Variants in SOX5 observed in about 807,000 individuals in gnomAD.
SOX5 encodes the protein transcription factor SOX-5.
A neutral mutation model predicts 92.0 loss-of-function variants in SOX5; 9 were observed. The ratio of observed to expected loss-of-function variants is 0.10; its 90% CI spans 0.06 to 0.17. The LOEUF is 0.17. Among genes scored for constraint, SOX5 ranks in the 10% least tolerant of loss-of-function variants. The probability of loss-of-function intolerance (pLI) is 1.00; values close to 1 mark genes in which losing one functional copy is unlikely to be tolerated. For missense variants in SOX5, 642 were observed against 944.5 expected (o/e 0.68, Z 4.20); for synonymous variants, 344 against 336.3 (o/e 1.02, Z -0.25).
chr12:24,278,918 C>A (rs1944832117), intron 2 of SOX5, among the ~76,000 whole-genome samples: 1 of 148,474 alleles, frequency 6.7e-6, no homozygotes, highest in African/African-American at 2.5e-5. Flanking sequence ...CTCATCTGCC[C>A]AACTGTAAAG....
intron 2 of SOX5, among the ~76,000 whole-genome samples, chr12:23,853,059 G>A (rs1218650154): frequency 6.6e-6 from 1 of 151,482 alleles, no homozygotes. Context: ...ATATTCCAGG[G>A]AGGAAAAGAA....
chr12:24,045,729 T>C (rs1042561941), intron 4 of SOX5, among the ~76,000 whole-genome samples: 2 of 152,220 alleles, frequency 1.3e-5, no homozygotes, highest in East Asian at 3.9e-4. Context: ...GAAACCAGTA[T>C]GTATGGTGGC....
intron 1 of SOX5, among the ~76,000 whole-genome samples, chr12:23,922,292 T>C (rs1474019313): frequency 6.6e-6 from 1 of 152,208 alleles, no homozygotes; most frequent in Non-Finnish European, 1.5e-5. Flanking sequence ...GAACAAAATG[T>C]CTAATGTCAT....
chr12:23,972,147 C>T (rs1440951726), intron 4 of SOX5, among the ~76,000 whole-genome samples: 1 of 152,108 alleles, frequency 6.6e-6, no homozygotes, highest in African/African-American at 2.4e-5. Context: ...CCTTGCCCTG[C>T]AAGGACACCC....
At chr12:24,248,463 G>T (rs1363712778) in intron 3 of SOX5, among the ~76,000 whole-genome samples, 2 of 152,028 alleles carry the variant, frequency 1.3e-5, no homozygotes, top group Admixed American at 1.3e-4. Flanking sequence ...GTGCAGTGGC[G>T]CAATCTCAGT....
At chr12:23,585,778 T>A (rs370854636) in intron 9 of SOX5, among the ~76,000 whole-genome samples, 14 of 152,246 alleles carry the variant, frequency 9.2e-5, no homozygotes, top group South Asian at 4.1e-4. Flanking sequence ...AAGCTAGAAG[T>A]TTGCATAGGT....
chr12:24,440,078 C>T (rs940463465), intron 1 of SOX5, among the ~76,000 whole-genome samples: 5 of 152,004 alleles, frequency 3.3e-5, no homozygotes, highest in African/African-American at 9.7e-5. Flanking sequence ...TTTTAACTGC[C>T]ACGTAAGTGA....
chr12:24,228,674 G>A (rs1962648852), intron 3 of SOX5, among the ~76,000 whole-genome samples: 1 of 152,056 alleles, frequency 6.6e-6, no homozygotes, highest in South Asian at 2.1e-4. Context: ...GTGTGTGCGT[G>A]TGTGTGTCTG....
intron 4 of SOX5, among the ~76,000 whole-genome samples, chr12:24,013,365 C>T (rs1050784193): frequency 6.6e-6 from 1 of 152,120 alleles, no homozygotes; most frequent in Non-Finnish European, 1.5e-5. Flanking sequence ...AACATGTCCC[C>T]TCAAAACCTA....
chr12:24,439,443 A>G (rs111416085), intron 1 of SOX5, among the ~76,000 whole-genome samples: 5 of 152,146 alleles, frequency 3.3e-5, no homozygotes, highest in African/African-American at 1.2e-4. Context: ...ATCTAGAAGG[A>G]CTATCCTGAG....
chr12:23,676,973 T>C (rs1384526537), intron 6 of SOX5, among the ~76,000 whole-genome samples: 3 of 152,194 alleles, frequency 2.0e-5, no homozygotes, highest in Non-Finnish European at 4.4e-5. Context: ...TAAATGCTCA[T>C]TATTTCTTCA....
chr12:24,419,947 G>A (rs1965660729), intron 1 of SOX5, among the ~76,000 whole-genome samples: 1 of 152,206 alleles, frequency 6.6e-6, no homozygotes, highest in Non-Finnish European at 1.5e-5. Context: ...AAGATAAACT[G>A]TGAAAGAAGA....
At chr12:23,822,178 T>C (rs144476315) in intron 3 of SOX5, among the ~76,000 whole-genome samples, 98 of 152,292 alleles carry the variant, frequency 6.4e-4, no homozygotes, top group Admixed American at 1.2e-3. Flanking sequence ...TTGAATTTGT[T>C]TGTGCTTGCT....
At chr12:23,588,690 T>C (rs16926425) in intron 9 of SOX5, among the ~76,000 whole-genome samples, 39,593 of 151,058 alleles carry the variant, frequency 0.26, 6,563 homozygotes, top group East Asian at 0.59. Context: ...AAAATTGATC[T>C]GTATTCTTGA....
chr12:23,793,313 C>T (rs1594492061), intron 3 of SOX5, among the ~76,000 whole-genome samples: 1 of 152,090 alleles, frequency 6.6e-6, no homozygotes, highest in African/African-American at 2.4e-5. Context: ...CGGTGACATA[C>T]ACTCTGCTAG....
At chr12:24,357,757 C>T (rs1955032376) in intron 2 of SOX5, among the ~76,000 whole-genome samples, 1 of 150,860 alleles carries the variant, frequency 6.6e-6, no homozygotes, top group Non-Finnish European at 1.5e-5. Flanking sequence ...AAGAGAATTG[C>T]TTGAACCTGG....
intron 13 of SOX5, among the ~76,000 whole-genome samples, chr12:23,542,035 G>A (rs923134107): frequency 1.3e-5 from 2 of 151,622 alleles, no homozygotes; most frequent in African/African-American, 2.4e-5. Context: ...GCTTGAACCC[G>A]GGAGGCGGAG....
chr12:24,201,742 T>C (rs1318465458), intron 4 of SOX5, among the ~76,000 whole-genome samples: 1 of 152,050 alleles, frequency 6.6e-6, no homozygotes, highest in Non-Finnish European at 1.5e-5. Flanking sequence ...CTTTGGGAGG[T>C]GTGAGTCATC....
intron 1 of SOX5, among the ~76,000 whole-genome samples, chr12:24,387,954 G>T (rs1241914442): frequency 6.6e-6 from 1 of 152,032 alleles, no homozygotes; most frequent in African/African-American, 2.4e-5. Context: ...CCCACTTAAT[G>T]GTCTATTAGC....
Sources: allele counts gnomAD v4.1 joint callset (sites outside exome capture counted in the v4.1 genomes callset), GRCh38; gene constraint gnomAD v4.1.1; transcripts MANE v1.5; gene names NCBI Gene and HGNC (gene_info 2026-07-23, HGNC 2026-07-21).